Variants in ANKS1B observed in about 807,000 individuals in gnomAD.
ANKS1B encodes the protein ankyrin repeat and sterile alpha motif domain containing 1B.
A neutral mutation model predicts 148.3 loss-of-function variants in ANKS1B; 36 were observed. The observed-to-expected ratio is 0.24, with a 90% CI of 0.19 to 0.32. ANKS1B has a LOEUF of 0.32. Ranked by LOEUF, ANKS1B falls within the 10% of genes least tolerant of loss-of-function variation. ANKS1B has a pLI of 1.00. For missense variants in ANKS1B, 1,157 were observed against 1,542.6 expected, an observed-to-expected ratio of 0.75 and a Z score of 4.19; for synonymous variants, 542 against 560.8, an observed-to-expected ratio of 0.97 and a Z score of 0.47.
intron 12 of ANKS1B, among the ~76,000 whole-genome samples, chr12:99,273,915 TA>T (rs1157863423): frequency 6.6e-6 from 1 of 151,976 alleles, no homozygotes. Flanking sequence ...GCTAATCAGC[TA>T]TTGTTAGTGT....
rs186633877 is a variant in ANKS1B at position 98,948,775 on chromosome 12, C to A, written c.2778+104382G>T. Among the ~76,000 whole-genome samples, 1,519 of 147,512 alleles carry A rather than the reference C, an allele frequency of 0.01. 84 individuals carry two copies. The East Asian group carries it at 0.17, about 17-fold the overall frequency. On this transcript the variant is annotated intron_variant, in intron 17 of 26. Transcript: ENST00000683438. ...GTCTCTCACACACCCACACCCCCCC[C>A]CACACACACACATGCTGGGATTTTT...
At chr12:99,492,835 A>C (rs559709660) in intron 10 of ANKS1B, among the ~76,000 whole-genome samples, 1 of 152,282 alleles carries the variant, frequency 6.6e-6, no homozygotes, top group East Asian at 1.9e-4. Flanking sequence ...AAAGGCTTTC[A>C]ATAAAATTCA....
At chr12:99,887,622 G>C (rs2092897867) in intron 1 of ANKS1B, among the ~76,000 whole-genome samples, 1 of 152,092 alleles carries the variant, frequency 6.6e-6, no homozygotes, top group Admixed American at 6.5e-5. Context: ...GAAGATTATT[G>C]TATATCACTA....
intron 9 of ANKS1B, among the ~76,000 whole-genome samples, chr12:99,602,070 G>A (rs1193735148): frequency 6.6e-6 from 1 of 152,012 alleles, no homozygotes; most frequent in Non-Finnish European, 1.5e-5. Context: ...GGGAGAGAAA[G>A]GGGAGCAGGC....
intron 1 of ANKS1B, among the ~76,000 whole-genome samples, chr12:99,927,439 A>G (rs2094501866): frequency 6.6e-6 from 1 of 152,238 alleles, no homozygotes. Flanking sequence ...ATATTATTCA[A>G]AAATATATAT....
intron 2 of ANKS1B, among the ~76,000 whole-genome samples, chr12:99,822,563 T>C (rs2082647679): frequency 6.6e-6 from 1 of 152,236 alleles, no homozygotes; most frequent in Admixed American, 6.5e-5. Context: ...TGTTCTTCCA[T>C]TAATTCACTT....
chr12:98,877,602 T>G (rs2099694670), intron 17 of ANKS1B, among the ~76,000 whole-genome samples: 1 of 152,184 alleles, frequency 6.6e-6, no homozygotes, highest in Admixed American at 6.5e-5. Context: ...AAGATCAAGG[T>G]TTACTGTCTC....
chr12:99,268,230 ACT>A (rs1224978611), intron 12 of ANKS1B, among the ~76,000 whole-genome samples: 3 of 152,130 alleles, frequency 2.0e-5, no homozygotes, highest in Non-Finnish European at 4.4e-5. Context: ...TGATGCACAA[ACT>A]CTATAGACAG....
At chr12:98,932,484 G>C (rs1056153449) in intron 17 of ANKS1B, among the ~76,000 whole-genome samples, 2 of 152,144 alleles carry the variant, frequency 1.3e-5, no homozygotes, top group African/African-American at 2.4e-5. Context: ...AAGCGGCGAA[G>C]ACCAAAAGCT....
intron 23 of ANKS1B, 40 bp downstream of exon 23, chr12:98,782,086 A>T: frequency 6.4e-7 from 1 of 1,560,534 alleles, no homozygotes; most frequent in Non-Finnish European, 8.7e-7. Flanking sequence ...CCCTCTATAT[A>T]TACTAGTAAT....
chr12:99,796,678 C>T (rs537494585), intron 4 of ANKS1B, among the ~76,000 whole-genome samples: 34 of 151,788 alleles, frequency 2.2e-4, no homozygotes, highest in African/African-American at 8.0e-4. Flanking sequence ...GATAAACATA[C>T]AACAAATAAG....
chr12:99,317,289 C>T (rs142372324), intron 12 of ANKS1B, among the ~76,000 whole-genome samples: 63 of 152,234 alleles, frequency 4.1e-4, no homozygotes, highest in African/African-American at 1.3e-3. Context: ...ATTGATTCTT[C>T]CTATCTGTGA....
At chr12:99,881,581 G>T (rs896033421) in intron 1 of ANKS1B, among the ~76,000 whole-genome samples, 1 of 152,166 alleles carries the variant, frequency 6.6e-6, no homozygotes, top group African/African-American at 2.4e-5. Context: ...ATATGAGCCC[G>T]TCCTGAGCTG....
intron 9 of ANKS1B, among the ~76,000 whole-genome samples, chr12:99,632,459 C>T (rs181916286): frequency 6.6e-6 from 1 of 151,754 alleles, no homozygotes; most frequent in Non-Finnish European, 1.5e-5. Flanking sequence ...AGGAGCAAAA[C>T]CACCACCAAA....
At chr12:99,142,211 A>G (rs970975476) in intron 15 of ANKS1B, among the ~76,000 whole-genome samples, 1 of 151,860 alleles carries the variant, frequency 6.6e-6, no homozygotes, top group Non-Finnish European at 1.5e-5. Flanking sequence ...GGACAAAAAG[A>G]GTTGTCATAA....
intron 10 of ANKS1B, among the ~76,000 whole-genome samples, chr12:99,463,262 A>G (rs945819826): frequency 6.6e-6 from 1 of 152,258 alleles, no homozygotes; most frequent in Non-Finnish European, 1.5e-5. Flanking sequence ...GTTTTGATTA[A>G]TATGTGAAGA....
At chr12:98,802,516 T>C (rs1407112162) in intron 20 of ANKS1B, among the ~76,000 whole-genome samples, 2 of 151,002 alleles carry the variant, frequency 1.3e-5, no homozygotes, top group Admixed American at 1.3e-4. Flanking sequence ...TTGCGCACTT[T>C]GGACTTACAT....
At chr12:99,621,474 A>C (rs573167812) in intron 9 of ANKS1B, among the ~76,000 whole-genome samples, 4,040 of 151,710 alleles carry the variant, frequency 0.027, 179 homozygotes, top group African/African-American at 0.092. Context: ...AAAAAAAAAA[A>C]AAACAAGACC....
intron 15 of ANKS1B, among the ~76,000 whole-genome samples, chr12:99,152,458 C>G (rs2075187076): frequency 6.6e-6 from 1 of 151,984 alleles, no homozygotes; most frequent in African/African-American, 2.4e-5. Context: ...TCATGTATAT[C>G]CAGGATTTTG....
Sources: gnomAD v4.1 joint callset for allele counts (sites outside exome capture counted in the v4.1 genomes callset) on GRCh38, gnomAD v4.1.1 for gene constraint, MANE v1.5 for transcripts, NCBI Gene and HGNC (gene_info 2026-07-23, HGNC 2026-07-21) for gene names.